Variants in KDM4C observed in about 807,000 individuals in gnomAD.
The protein encoded by KDM4C is lysine-specific demethylase 4C.
In KDM4C, 81 loss-of-function variants were observed where a neutral mutation model predicts 129.3. The observed-to-expected ratio is 0.63, with a 90% CI of 0.52 to 0.75. The LOEUF (loss-of-function observed/expected upper bound fraction) is 0.75, where lower values mean the gene tolerates loss of function less well. KDM4C is among the 30% of genes least tolerant of loss of function. KDM4C has a pLI of 0.00. For synonymous variants in KDM4C, 573 were observed against 456.1 expected (o/e 1.26, Z -3.26); for missense variants, 1,457 against 1,304.0 (o/e 1.12, Z -1.81).
At chr9:7,015,580 T>G (rs1823511172) in intron 14 of KDM4C, among the ~76,000 whole-genome samples, 2 of 152,242 alleles carry the variant, frequency 1.3e-5, no homozygotes, top group South Asian at 4.1e-4. Flanking sequence ...GGATTGCAAC[T>G]TATTTTAAGA....
chr9:6,849,992 T>C (rs534390501), intron 5 of KDM4C, among the ~76,000 whole-genome samples: 2 of 152,346 alleles, frequency 1.3e-5, no homozygotes, highest in South Asian at 2.1e-4. Flanking sequence ...AAAATTCTTT[T>C]TCCATGTTTA....
chr9:6,970,249 A>G (rs1029367093), intron 8 of KDM4C, among the ~76,000 whole-genome samples: 3 of 152,236 alleles, frequency 2.0e-5, no homozygotes, highest in African/African-American at 7.2e-5. Flanking sequence ...GTTTCTTATG[A>G]ATAAAATAGC....
At chr9:7,082,760 G>A (rs1834682561) in intron 17 of KDM4C, among the ~76,000 whole-genome samples, 1 of 152,162 alleles carries the variant, frequency 6.6e-6, no homozygotes, top group East Asian at 1.9e-4. Context: ...AAACAATGAA[G>A]CAGACAATTT....
chr9:6,973,639 C>G (rs1038970391), intron 8 of KDM4C, among the ~76,000 whole-genome samples: 2 of 152,158 alleles, frequency 1.3e-5, no homozygotes, highest in Non-Finnish European at 2.9e-5. Context: ...TTGTTTCTCT[C>G]AAGTGAGAGC....
intron 12 of KDM4C, among the ~76,000 whole-genome samples, chr9:6,995,550 A>G (rs954817004): frequency 6.6e-6 from 1 of 152,236 alleles, no homozygotes; most frequent in Non-Finnish European, 1.5e-5. Flanking sequence ...TCTTGGGATA[A>G]TGCCTCCAAT....
chr9:6,769,504 A>G (rs1300447462), intron 1 of KDM4C, among the ~76,000 whole-genome samples: 1 of 152,140 alleles, frequency 6.6e-6, no homozygotes, highest in Non-Finnish European at 1.5e-5. Flanking sequence ...TCTTGGTTTC[A>G]TCATTTCTCA....
intron 8 of KDM4C, among the ~76,000 whole-genome samples, chr9:6,911,741 G>T (rs751685425): frequency 6.6e-6 from 1 of 152,136 alleles, no homozygotes; most frequent in East Asian, 1.9e-4. Context: ...TTTTGTTGAC[G>T]TATTGCAAAG....
At chr9:6,937,211 C>T (rs1490268991) in intron 8 of KDM4C, among the ~76,000 whole-genome samples, 1 of 152,074 alleles carries the variant, frequency 6.6e-6, no homozygotes, top group African/African-American at 2.4e-5. Flanking sequence ...CCTCACCCAG[C>T]GAGTAATTAA....
intron 8 of KDM4C, among the ~76,000 whole-genome samples, chr9:6,918,174 C>T (rs1820680841): frequency 6.6e-6 from 1 of 152,072 alleles, no homozygotes; most frequent in Non-Finnish European, 1.5e-5. Flanking sequence ...TGCCGTACTC[C>T]CTCTCTCATT....
chr9:6,984,660 A>C (rs1563932256), intron 10 of KDM4C, among the ~76,000 whole-genome samples: 1 of 137,802 alleles, frequency 7.3e-6, no homozygotes, highest in Non-Finnish European at 1.7e-5. Context: ...GAAGATTCTA[A>C]AATGAGTTTT....
At chr9:6,927,113 A>ATCTG (rs1273894443) in intron 8 of KDM4C, among the ~76,000 whole-genome samples, 1 of 151,288 alleles carries the variant, frequency 6.6e-6, no homozygotes, top group Non-Finnish European at 1.5e-5. Flanking sequence ...CTATCTATCT[A>ATCTG]TCTATCTATC....
chr9:7,055,215 G>GGGTCACAAA (rs1830709334), intron 17 of KDM4C, among the ~76,000 whole-genome samples: 1 of 152,136 alleles, frequency 6.6e-6, no homozygotes, highest in Non-Finnish European at 1.5e-5. Context: ...CATTGTTCAT[G>GGGTCACAAA]GGTCACAAAT....
At chr9:7,082,459 A>C (rs1386058900) in intron 17 of KDM4C, among the ~76,000 whole-genome samples, 1 of 152,220 alleles carries the variant, frequency 6.6e-6, no homozygotes, top group Admixed American at 6.5e-5. Flanking sequence ...TGGATTTTCC[A>C]GAGCCTTTCA....
At chr9:6,956,138 G>A (rs1477360215) in intron 8 of KDM4C, among the ~76,000 whole-genome samples, 3 of 152,122 alleles carry the variant, frequency 2.0e-5, no homozygotes, top group Non-Finnish European at 4.4e-5. Flanking sequence ...GGTGGGGATG[G>A]TTAATGGGTA....
At chr9:7,093,063 T>C (rs1027245210) in intron 17 of KDM4C, among the ~76,000 whole-genome samples, 1 of 152,146 alleles carries the variant, frequency 6.6e-6, no homozygotes, top group African/African-American at 2.4e-5. Flanking sequence ...TTGTCCAATA[T>C]CTGTTTGGAG....
chr9:7,014,218 G>GT (rs1823226889), intron 14 of KDM4C: 84 of 447,656 alleles, frequency 1.9e-4, no homozygotes, highest in South Asian at 5.2e-4. Flanking sequence ...AGCAGGTCTG[G>GT]TTTTTTTTGT....
At chr9:6,869,275 T>A (rs1178373985) in intron 5 of KDM4C, among the ~76,000 whole-genome samples, 3 of 152,088 alleles carry the variant, frequency 2.0e-5, no homozygotes, top group African/African-American at 7.2e-5. Flanking sequence ...GCATTAAGGG[T>A]GCGGCTGAGC....
intron 19 of KDM4C, among the ~76,000 whole-genome samples, chr9:7,155,842 A>G (rs775253216): frequency 6.6e-6 from 1 of 152,244 alleles, no homozygotes; most frequent in African/African-American, 2.4e-5. Flanking sequence ...TCTTTATAGT[A>G]GCATGATTTA....
intron 8 of KDM4C, among the ~76,000 whole-genome samples, chr9:6,960,725 G>A (rs952336111): frequency 1.3e-5 from 2 of 152,148 alleles, no homozygotes; most frequent in African/African-American, 4.8e-5. Flanking sequence ...ACCCTTTGTA[G>A]GCAGTAAACA....
Sources: gnomAD v4.1 joint callset for allele counts (sites outside exome capture counted in the v4.1 genomes callset) on GRCh38, gnomAD v4.1.1 for gene constraint, MANE v1.5 for transcripts, NCBI Gene and HGNC (gene_info 2026-07-23, HGNC 2026-07-21) for gene names.